Variants in BRSK2 observed in about 807,000 individuals in gnomAD.
BRSK2 encodes the protein BR serine/threonine kinase 2.
Under a neutral mutation model 83.3 loss-of-function variants are expected in BRSK2, and 19 were observed. The ratio of observed to expected loss-of-function variants is 0.23; its 90% CI spans 0.16 to 0.33. The LOEUF (loss-of-function observed/expected upper bound fraction) is 0.33. Among genes scored for constraint, BRSK2 ranks in the 10% least tolerant of loss-of-function variants. BRSK2 has a pLI of 1.00. For missense variants in BRSK2, 798 were observed against 1,042.3 expected (o/e 0.77, Z 3.23); for synonymous variants, 519 against 435.4 (o/e 1.19, Z -2.39).
chr11:1,442,658 G>A (rs1431134613), intron 5 of BRSK2, 52 bp downstream of exon 5: 4 of 1,468,552 alleles, frequency 2.7e-6, no homozygotes, highest in Non-Finnish European at 9.5e-7. Context: ...TGGGCTGGGG[G>A]AAGAGGAGCC....
intron 1 of BRSK2, among the ~76,000 whole-genome samples, chr11:1,399,968 C>T (rs7938522): frequency 0.2 from 30,427 of 152,164 alleles, 3,329 homozygotes; most frequent in Non-Finnish European, 0.25. Flanking sequence ...CAACACCCCC[C>T]ACCTCCGTTA....
At position 1,439,892 on chromosome 11, in the gene BRSK2, A is replaced by ACTGCCTTCCCCTGCCCTGGGGGCTTCAC. The variant is rs149763187; in HGVS notation, c.273-895_273-894insTGCCTTCCCCTGCCCTGGGGGCTTCACC. Among the ~76,000 whole-genome samples the ACTGCCTTCCCCTGCCCTGGGGGCTTCAC allele has an allele frequency of 2.5e-3, 368 of 148,704 alleles. 3 individuals are homozygous for ACTGCCTTCCCCTGCCCTGGGGGCTTCAC. The highest frequency in any genetic ancestry group is 9.2e-3 in the African/African-American group (358 of 38,808). On this transcript the variant is annotated intron_variant, in intron 3 of 19. Transcript: ENST00000528841. Reference sequence around the variant, plus strand: ...TATCTTCCCCTGCCCTGGGGGCTTCACACCTTCCCCTGCCCTGGGGGCTTC... The same window carrying ACTGCCTTCCCCTGCCCTGGGGGCTTCAC: ...TATCTTCCCCTGCCCTGGGGGCTTCACTGCCTTCCCCTGCCCTGGGGGCTTCACCACCTTCCCCTGCCCTGGGGGCTTC...
rs1847463193 is a variant in BRSK2, at chr11:1,461,229, G to A, written c.*506G>A. 3.3e-6 allele frequency: 2 copies of A among 605,536 alleles called. No individual in the cohort carries two copies. Among genetic ancestry groups the A allele is most frequent in the South Asian group, 2.1e-5 (1 of 47,496 alleles). The allele number at this position is 605,536 out of a possible 1,614,324, so 37.5% of individuals were successfully genotyped here. A position where few individuals can be genotyped will look rare whatever the true frequency, so the allele number is the denominator to read the frequency against. On this transcript the variant is annotated 3_prime_UTR_variant, in exon 20 of 20. Transcript: ENST00000528841. ...CCTGACCCCTCAGCAAGAACAGCCT[G>A]CCTGGTGGCCTTCTGGGGCCAGGAC...
At position 1,461,349 on chromosome 11, in the gene BRSK2, G is replaced by C; in HGVS notation, c.*626G>C. The stretch of plus-strand genomic sequence containing the variant: ...TCGCAGGCCCGTGCCCCGCCTCCCT[G>C]GCTGCGCCGCCTCCGTGTAGTCTTG... On this transcript the variant is annotated 3_prime_UTR_variant, in exon 20 of 20. Transcript: ENST00000528841. 5.5e-6 allele frequency: 2 copies of C among 363,564 alleles called. No homozygotes were observed. The highest frequency in any genetic ancestry group is 8.0e-4 in the Middle Eastern group (1 of 1,256). 22.5% of individuals were successfully genotyped at this position (363,564 alleles called of 1,614,324 possible). A position where few individuals can be genotyped will look rare whatever the true frequency, so the allele number is the denominator to read the frequency against.
intron 18 of BRSK2, among the ~76,000 whole-genome samples, chr11:1,457,456 G>C (rs1846739849): frequency 6.6e-6 from 1 of 152,156 alleles, no homozygotes; most frequent in Non-Finnish European, 1.5e-5. Flanking sequence ...TAGGACCCGA[G>C]GGTCCGTGCC....
intron 18 of BRSK2, among the ~76,000 whole-genome samples, chr11:1,458,873 G>T (rs1490882137): frequency 6.6e-6 from 1 of 152,192 alleles, no homozygotes; most frequent in Non-Finnish European, 1.5e-5. Flanking sequence ...CAGCCCAGGG[G>T]AGGGGCTAGG....
intron 2 of BRSK2, 46 bp downstream of exon 2, chr11:1,436,180 C>T (rs886274338): frequency 4.9e-5 from 4 of 81,338 alleles, no homozygotes; most frequent in Admixed American, 2.0e-4. Flanking sequence ...TGGGGTGGGG[C>T]GGGGAATAGC....
intron 1 of BRSK2, among the ~76,000 whole-genome samples, chr11:1,425,743 T>C (rs1849139315): frequency 6.6e-6 from 1 of 152,070 alleles, no homozygotes. Context: ...CGTCCTTTCT[T>C]TGGGAACCCA....
At chr11:1,451,314 C>G (rs1175683610) in intron 14 of BRSK2, 57 bp from the exon 15 acceptor site, 2 of 1,601,226 alleles carry the variant, frequency 1.2e-6, no homozygotes, top group Admixed American at 1.7e-5. Context: ...GTGGCCAGGG[C>G]AGGGGAAGGA....
rs571071494 is a variant in BRSK2, at chr11:1,454,784, C to T, written c.1668+176C>T. ...TGGACAGGCGCTCTCTCCTGCCCAC[C>T]CTCGTGAGGGAGGGGTCACTGCCCA... On this transcript the variant is annotated intron_variant, in intron 16 of 19. Coordinates refer to ENST00000528841, the MANE Select transcript of BRSK2 (RefSeq NM_001256627.2). This position sits in a 1 kb window ranked among gnomAD's most constrained non-coding sequence, Gnocchi z 5.2. Among the ~76,000 whole-genome samples, 528 of 152,306 alleles carry T rather than the reference C, an allele frequency of 3.5e-3. 1 individual carries two copies. The highest frequency in any genetic ancestry group is 0.012 in the African/African-American group (503 of 41,566).
intron 1 of BRSK2, among the ~76,000 whole-genome samples, chr11:1,433,858 G>A (rs1849914939): frequency 1.3e-5 from 2 of 152,200 alleles, no homozygotes; most frequent in Admixed American, 6.5e-5. Context: ...TGCCCAGCCT[G>A]TGTCACTGCC....
chr11:1,410,579 C>T (rs1847366805), intron 1 of BRSK2: 1 of 985,472 alleles, frequency 1.0e-6, no homozygotes, highest in East Asian at 1.1e-4. Context: ...GCTCTCTGGT[C>T]CCCGGGAGTG....
In BRSK2 at chr11:1,454,545, C is replaced by T. The variant is rs764425545; in HGVS notation, c.1605C>T (p.Phe535=). 5.6e-6 allele frequency: 9 copies of T among 1,613,308 alleles called. No individual in the cohort carries two copies. Among genetic ancestry groups the T allele is most frequent in the South Asian group, 1.1e-5 (1 of 91,072 alleles). Residue 535 remains phenylalanine (F), a synonymous_variant, in exon 16 of 20, where the codon TTC becomes TTT. Coordinates refer to ENST00000528841, the MANE Select transcript of BRSK2 (RefSeq NM_001256627.2). The surrounding 1 kb of genome is among the most constrained non-coding windows in gnomAD (Gnocchi z 5.2). ...FISLEKEEQI[F]VVIKDKPLSS... ...GCCTGGAGAAGGAGGAGCAGATCTTCGTGGTCATCAAAGACAAACCTCTGA... is the reference window on the plus strand; with the variant it reads ...GCCTGGAGAAGGAGGAGCAGATCTTTGTGGTCATCAAAGACAAACCTCTGA...
chr11:1,443,410 C>T lies in BRSK2; in HGVS notation c.633+7C>T. On this transcript the variant is annotated splice_region_variant and intron_variant, in intron 7 of 19. Coordinates refer to ENST00000528841, the MANE Select transcript of BRSK2 (RefSeq NM_001256627.2). ...CCTGTTCGCCTTGCTGGTGGTGAGA[C>T]CCTGGCCCCCTCAACCCTGCCCTGG... is the stretch of plus-strand genomic sequence containing the variant. The T allele has an allele frequency of 6.3e-7, 1 of 1,599,010 alleles. No homozygotes were observed. The highest frequency in any genetic ancestry group is 8.5e-7 in the Non-Finnish European group (1 of 1,173,650).
intron 1 of BRSK2, among the ~76,000 whole-genome samples, chr11:1,428,006 G>A (rs924380668): frequency 5.9e-5 from 9 of 152,304 alleles, no homozygotes; most frequent in Middle Eastern, 3.4e-3. Context: ...TAGGAGGGAC[G>A]CCTCTATGCT....
intron 1 of BRSK2, among the ~76,000 whole-genome samples, chr11:1,427,914 T>G (rs1356895675): frequency 6.6e-6 from 1 of 152,184 alleles, no homozygotes; most frequent in Non-Finnish European, 1.5e-5. Context: ...ACCCAAACAT[T>G]CTGCTCAGAG....
rs1053545868 is a variant in BRSK2, at chr11:1,438,942, C to G, written c.272+551C>G. ...TGCCTGGCTGTGAACCCCATCCCCC[C>G]AGACCCAGCCTCAGGGAGCTCCTGG... is the stretch of plus-strand genomic sequence containing the variant. On this transcript the variant is annotated intron_variant, in intron 3 of 19. Coordinates refer to ENST00000528841, the MANE Select transcript of BRSK2 (RefSeq NM_001256627.2). The surrounding 1 kb of genome is among the most constrained non-coding windows in gnomAD (Gnocchi z 6.4). Among the ~76,000 whole-genome samples, 21 of 152,180 alleles carry G rather than the reference C, an allele frequency of 1.4e-4. No individual in the cohort carries two copies. The highest frequency in any genetic ancestry group is 2.9e-4 in the Non-Finnish European group (20 of 68,018).
At chr11:1,417,653 T>G (rs1437568841) in intron 1 of BRSK2, among the ~76,000 whole-genome samples, 4 of 147,088 alleles carry the variant, frequency 2.7e-5, no homozygotes, top group Non-Finnish European at 6.0e-5. Context: ...CTGTTTCTTC[T>G]CTTGAGAGTG....
At chr11:1,428,517 G>A (rs12576722) in intron 1 of BRSK2, among the ~76,000 whole-genome samples, 3,909 of 152,336 alleles carry the variant, frequency 0.026, 116 homozygotes, top group African/African-American at 0.075. Flanking sequence ...ACTCAAAGCA[G>A]CGCCTGGAGC....
Sources: allele counts gnomAD v4.1 joint callset (sites outside exome capture counted in the v4.1 genomes callset), GRCh38; gene constraint gnomAD v4.1.1; non-coding constraint Gnocchi (gnomAD v3.1); transcripts MANE v1.5; gene names NCBI Gene and HGNC (gene_info 2026-07-23, HGNC 2026-07-21).